The following FAT4 variants were observed in gnomAD, a reference collection of about 807,000 sequenced individuals.
The protein encoded by FAT4 is FAT atypical cadherin 4.
In FAT4, 84 loss-of-function variants were observed where a neutral mutation model predicts 303.9. The observed-to-expected ratio is 0.28, with a 90% CI of 0.23 to 0.33. The LOEUF (loss-of-function observed/expected upper bound fraction) is 0.33, where lower values mean the gene tolerates loss of function less well. FAT4 is among the 10% of genes least tolerant of loss of function. The pLI is 1.00. For missense variants in FAT4, 6,005 were observed against 6,146.8 expected (o/e 0.98, Z 0.77); for synonymous variants, 2,307 against 2,298.8 (o/e 1.00, Z -0.10).
intron 2 of FAT4, among the ~76,000 whole-genome samples, chr4:125,341,629 A>C (rs982089894): frequency 6.6e-6 from 1 of 152,028 alleles, no homozygotes; most frequent in African/African-American, 2.4e-5. Flanking sequence ...GTTCTTCCTT[A>C]TCTAAAAATC....
At chr4:125,444,484 T>G (rs1233872166) in intron 8 of FAT4, among the ~76,000 whole-genome samples, 1 of 152,100 alleles carries the variant, frequency 6.6e-6, no homozygotes, top group African/African-American at 2.4e-5. Context: ...AGGCCCTACT[T>G]CTCAACATTG....
chr4:125,429,409 G>A (rs763622594), intron 7 of FAT4, among the ~76,000 whole-genome samples: 9 of 152,082 alleles, frequency 5.9e-5, no homozygotes, highest in Non-Finnish European at 7.4e-5. Flanking sequence ...ACTGGAGTAC[G>A]TTGATAATTA....
Position 125,403,053 on chromosome 4 carries a change from C to T in FAT4, c.5308-3827C>T, listed in dbSNP as rs146381075. On this transcript the variant is annotated intron_variant, in intron 3 of 17. Coordinates refer to ENST00000394329, the MANE Select transcript of FAT4 (RefSeq NM_001291303.3). ...ATTTAAATTATTCATTTGCAGAAGT[C>T]TAAGTCATCAAATAAATTTAAGCCA... 1.3e-3 allele frequency among the ~76,000 whole-genome samples: 201 copies of T among 152,006 alleles called. No individual in the cohort carries two copies. The Middle Eastern group carries it at 0.024, about 18-fold the overall frequency.
chr4:125,437,888 T>G (rs1045644207), intron 8 of FAT4, among the ~76,000 whole-genome samples: 2 of 152,120 alleles, frequency 1.3e-5, no homozygotes, highest in African/African-American at 4.8e-5. Context: ...AAACTAACTT[T>G]AAAGAGAGTA....
intron 2 of FAT4, among the ~76,000 whole-genome samples, chr4:125,389,545 G>C (rs1050877653): frequency 1.3e-5 from 2 of 152,130 alleles, no homozygotes; most frequent in Non-Finnish European, 2.9e-5. Context: ...GCCTGCAACA[G>C]ACTTGTGTTT....
chr4:125,367,805 G>A (rs1034304315), intron 2 of FAT4, among the ~76,000 whole-genome samples: 2 of 152,040 alleles, frequency 1.3e-5, no homozygotes, highest in Non-Finnish European at 2.9e-5. Context: ...AGAAAGTACT[G>A]CAAAATAGTA....
intron 2 of FAT4, among the ~76,000 whole-genome samples, chr4:125,348,387 A>G (rs1732087954): frequency 6.6e-6 from 1 of 151,776 alleles, no homozygotes; most frequent in Non-Finnish European, 1.5e-5. Context: ...TGTAGGGTGT[A>G]AACTTCAGAA....
chr4:125,320,256 C>A lies in FAT4; in HGVS notation c.3845C>A (p.Ser1282Tyr). The part of the protein sequence containing the change: ...KLDYEATPAY[S>Y]LVIQAVDSGT... ...GACTATGAAGCAACACCTGCCTATT[C>A]CCTTGTAATTCAAGCAGTGGATTCA... The change falls in exon 2 of 18, where the codon TCC (serine) becomes TAC (tyrosine). Residue 1282 changes from serine (S) to tyrosine (Y), a missense_variant. Ser to Tyr is a moderately radical substitution (Grantham distance 144). Coordinates refer to ENST00000394329, the MANE Select transcript of FAT4 (RefSeq NM_001291303.3). The A allele has an allele frequency of 1.2e-6, 2 of 1,614,172 alleles. No homozygotes were observed. Among genetic ancestry groups the A allele is most frequent in the Middle Eastern group, 1.6e-4 (1 of 6,062 alleles).
chr4:125,448,740 T>C lies in FAT4; in HGVS notation c.7730T>C (p.Met2577Thr). Residue 2577 changes from methionine (M) to threonine (T), a missense_variant, in exon 10 of 18, where the codon ATG (methionine) becomes ACG (threonine). By Grantham distance (81) the Met-to-Thr change is moderately conservative. Transcript: ENST00000394329. ...GTGAGAGCCAAAGAACAAACGTTCA[T>C]GTTTCCTGAAAACCAACCAGTCAGC... ...PKVRAKEQTFMFPENQPVSSL... is the reference protein window; with the variant it reads ...PKVRAKEQTFTFPENQPVSSL... 1 of 1,613,516 alleles carries C rather than the reference T, an allele frequency of 6.2e-7. No homozygotes were observed. Among genetic ancestry groups the C allele is most frequent in the African/African-American group, 1.3e-5 (1 of 75,032 alleles).
Position 125,317,264 on chromosome 4 carries a change from A to G in FAT4, c.853A>G (p.Ile285Val). ...ADADEGTNAD[I>V]RYRLQDEGTP... is the part of the protein sequence containing the mutation. ...CGCGGACGAGGGCACCAACGCGGACATCCGCTATCGCCTGCAGGACGAGGG... is the reference window on the plus strand; with the variant it reads ...CGCGGACGAGGGCACCAACGCGGACGTCCGCTATCGCCTGCAGGACGAGGG... Residue 285 changes from isoleucine (I) to valine (V), a missense_variant, in exon 2 of 18, where the codon ATC becomes GTC. Physicochemically the swap from Ile to Val is conservative, Grantham distance 29. Transcript: ENST00000394329. The surrounding 1 kb of genome is among the most constrained non-coding windows in gnomAD (Gnocchi z 7.0). 6.3e-7 allele frequency: 1 copy of G among 1,580,634 alleles called. No homozygotes were observed. Among genetic ancestry groups the G allele is most frequent in the Non-Finnish European group, 8.6e-7 (1 of 1,160,976 alleles).
At chr4:125,331,838 A>G (rs1397929951) in intron 2 of FAT4, among the ~76,000 whole-genome samples, 1 of 152,206 alleles carries the variant, frequency 6.6e-6, no homozygotes, top group Admixed American at 6.5e-5. Context: ...TAATATCAGT[A>G]AACTTGATTT....
chr4:125,325,540 A>T (rs1731117924), intron 2 of FAT4, among the ~76,000 whole-genome samples: 1 of 152,184 alleles, frequency 6.6e-6, no homozygotes, highest in African/African-American at 2.4e-5. Flanking sequence ...ATCGTATTCC[A>T]CAAATCAAGT....
chr4:125,388,192 A>G (rs183753068), intron 2 of FAT4, among the ~76,000 whole-genome samples: 1 of 152,182 alleles, frequency 6.6e-6, no homozygotes, highest in East Asian at 1.9e-4. Flanking sequence ...TCCAATCCAA[A>G]TATTATGAAA....
Position 125,448,939 on chromosome 4 carries a change from C to G in FAT4, c.7929C>G (p.Ala2643=). 1 of 1,613,556 alleles carries G rather than the reference C, an allele frequency of 6.2e-7. No homozygotes were observed. The highest frequency in any genetic ancestry group is 8.5e-7 in the Non-Finnish European group (1 of 1,179,882). The change falls in exon 10 of 18, where the codon GCC becomes GCG. Residue 2643 remains alanine (A), a synonymous_variant. Coordinates refer to ENST00000394329, the MANE Select transcript of FAT4 (RefSeq NM_001291303.3). ...KIQKYVVWIE[A]RDGGFPPFSS... is the part of the protein sequence containing the mutation. Reference sequence around the variant, plus strand: ...AAAAATATGTTGTATGGATAGAGGCCAGAGACGGTGGTTTCCCTCCTTTCT... The same window carrying G: ...AAAAATATGTTGTATGGATAGAGGCGAGAGACGGTGGTTTCCCTCCTTTCT...
At chr4:125,361,919 T>C (rs1427810717) in intron 2 of FAT4, among the ~76,000 whole-genome samples, 1 of 152,164 alleles carries the variant, frequency 6.6e-6, no homozygotes, top group Admixed American at 6.6e-5. Flanking sequence ...AAAATGACTA[T>C]TGGACTTCTA....
intron 3 of FAT4, among the ~76,000 whole-genome samples, chr4:125,404,069 A>G (rs1734493008): frequency 6.6e-6 from 1 of 152,172 alleles, no homozygotes; most frequent in African/African-American, 2.4e-5. Flanking sequence ...TTTAGCAGCT[A>G]GCAAACACTA....
At chr4:125,448,379 A>G in intron 9 of FAT4, 82 bp from the exon 10 acceptor site, 2 of 1,243,070 alleles carry the variant, frequency 1.6e-6, no homozygotes, top group Non-Finnish European at 2.2e-6. Flanking sequence ...GCAGCAATAG[A>G]GTGTCTTATA....
At chr4:125,373,495 T>C (rs1421275649) in intron 2 of FAT4, among the ~76,000 whole-genome samples, 6 of 152,216 alleles carry the variant, frequency 3.9e-5, no homozygotes, top group Non-Finnish European at 7.4e-5. Context: ...TTATGAAGCT[T>C]TATTTCTAAA....
chr4:125,391,839 C>G (rs746268499), intron 2 of FAT4, among the ~76,000 whole-genome samples: 1 of 152,064 alleles, frequency 6.6e-6, no homozygotes, highest in Non-Finnish European at 1.5e-5. Flanking sequence ...ATTAATACAT[C>G]TTTATATGCC....
Sources: gnomAD v4.1 joint callset for allele counts (sites outside exome capture counted in the v4.1 genomes callset) on GRCh38, gnomAD v4.1.1 for gene constraint, Gnocchi (gnomAD v3.1) non-coding constraint, MANE v1.5 for transcripts, NCBI Gene and HGNC (gene_info 2026-07-23, HGNC 2026-07-21) for gene names.